The following SLC24A2 variants were observed in gnomAD, a reference collection of about 807,000 sequenced individuals.
SLC24A2 encodes the protein sodium/potassium/calcium exchanger 2.
A neutral mutation model predicts 62.0 loss-of-function variants in SLC24A2; 36 were observed. The ratio of observed to expected loss-of-function variants is 0.58; its 90% CI spans 0.44 to 0.77. SLC24A2 has a LOEUF of 0.77. SLC24A2 is among the 30% of genes least tolerant of loss of function. SLC24A2 has a pLI of 0.00. For synonymous variants in SLC24A2, 358 were observed against 294.0 expected, an observed-to-expected ratio of 1.22 and a Z score of -2.23; for missense variants, 846 against 817.9, an observed-to-expected ratio of 1.03 and a Z score of -0.42.
In SLC24A2 at chr9:19,664,305, C is replaced by A. The variant is rs115743008; in HGVS notation, c.931-42006G>T. Among the ~76,000 whole-genome samples the A allele has an allele frequency of 7.8e-4, 118 of 152,236 alleles. 2 individuals are homozygous for A. The highest frequency in any genetic ancestry group is 2.6e-3 in the African/African-American group (109 of 41,528). On this transcript the variant is annotated intron_variant, in intron 2 of 10. Coordinates refer to ENST00000341998, the MANE Select transcript of SLC24A2 (RefSeq NM_020344.4). ...CTTTAAATGGTAAGTTTCATTGGTG[C>A]ATTTAGAATAGAAGTTAGCTTACAA... is the stretch of plus-strand genomic sequence containing the variant.
At chr9:20,005,315 G>A in the SLC24A2 span, among the ~76,000 whole-genome samples, 8 of 152,082 alleles carry the variant, frequency 5.3e-5, no homozygotes, top group African/African-American at 1.4e-4. Context: ...CTAACCTCCT[G>A]GCAATCCTAA....
the SLC24A2 span, among the ~76,000 whole-genome samples, chr9:20,135,977 A>G: frequency 6.6e-6 from 1 of 152,236 alleles, no homozygotes; most frequent in Non-Finnish European, 1.5e-5. Flanking sequence ...ACATTTACTG[A>G]AGATCTACTA....
At chr9:20,089,769 A>C in the SLC24A2 span, among the ~76,000 whole-genome samples, 1 of 142,712 alleles carries the variant, frequency 7.0e-6, no homozygotes. Flanking sequence ...TGCTTACGGC[A>C]CCCCACAGTC....
the SLC24A2 span, among the ~76,000 whole-genome samples, chr9:20,240,944 T>C: frequency 6.6e-6 from 1 of 152,210 alleles, no homozygotes; most frequent in African/African-American, 2.4e-5. Flanking sequence ...CACACGCAGA[T>C]GAATTGAGGC....
At chr9:19,880,273 C>A in the SLC24A2 span, among the ~76,000 whole-genome samples, 17 of 152,244 alleles carry the variant, frequency 1.1e-4, no homozygotes, top group Non-Finnish European at 2.2e-4. Context: ...CATGGAGAAC[C>A]AGGGAAGTAA....
chr9:19,830,325 T>C, the SLC24A2 span, among the ~76,000 whole-genome samples: 1 of 152,222 alleles, frequency 6.6e-6, no homozygotes, highest in Non-Finnish European at 1.5e-5. Context: ...TTTTAATCAA[T>C]TAATATATTT....
the SLC24A2 span, among the ~76,000 whole-genome samples, chr9:19,906,238 A>G: frequency 0.045 from 6,772 of 151,828 alleles, 258 homozygotes; most frequent in East Asian, 0.21. Context: ...CTGGGTACAT[A>G]ACGAAATGAA....
At chr9:20,122,188 C>A in the SLC24A2 span, among the ~76,000 whole-genome samples, 1,056 of 152,306 alleles carry the variant, frequency 6.9e-3, 12 homozygotes, top group Non-Finnish European at 9.2e-3. Context: ...AGCATTTAAC[C>A]AAGCATGGAA....
the SLC24A2 span, among the ~76,000 whole-genome samples, chr9:19,837,743 C>T: frequency 2.0e-5 from 3 of 152,034 alleles, no homozygotes; most frequent in East Asian, 3.9e-4. Flanking sequence ...AATCAATGTG[C>T]AAAAATCACA....
At chr9:19,607,295 C>T (rs1837010719) in intron 4 of SLC24A2, among the ~76,000 whole-genome samples, 1 of 152,186 alleles carries the variant, frequency 6.6e-6, no homozygotes, top group Non-Finnish European at 1.5e-5. Context: ...AACTCTGAGT[C>T]CTCCCTTCTG....
the SLC24A2 span, among the ~76,000 whole-genome samples, chr9:19,848,920 A>G: frequency 5.9e-5 from 9 of 152,242 alleles, no homozygotes; most frequent in Non-Finnish European, 1.2e-4. Flanking sequence ...CAAAGGCTAC[A>G]TTTATTGAGA....
chr9:19,954,600 A>T, the SLC24A2 span, among the ~76,000 whole-genome samples: 8 of 151,100 alleles, frequency 5.3e-5, no homozygotes, highest in South Asian at 2.1e-4. Flanking sequence ...TTTTTTTTTT[A>T]AATCTAGAGA....
intron 7 of SLC24A2, among the ~76,000 whole-genome samples, chr9:19,557,512 T>A (rs1181374598): frequency 2.6e-5 from 4 of 152,192 alleles, no homozygotes; most frequent in Non-Finnish European, 5.9e-5. Flanking sequence ...AAACGTGACC[T>A]TTAATCATCC....
At chr9:20,223,679 C>A in the SLC24A2 span, among the ~76,000 whole-genome samples, 8 of 152,032 alleles carry the variant, frequency 5.3e-5, no homozygotes, top group Non-Finnish European at 8.8e-5. Context: ...GGCCAGTGTA[C>A]ATGGGAAAAA....
chr9:19,595,089 C>T (rs1836669242), intron 5 of SLC24A2, among the ~76,000 whole-genome samples: 1 of 152,188 alleles, frequency 6.6e-6, no homozygotes, highest in African/African-American at 2.4e-5. Flanking sequence ...CTTCAACCAG[C>T]GTTTCCACAA....
chr9:19,872,748 A>T, the SLC24A2 span, among the ~76,000 whole-genome samples: 1 of 152,132 alleles, frequency 6.6e-6, no homozygotes, highest in Non-Finnish European at 1.5e-5. Context: ...TCTGTTGGAA[A>T]CTTCAAGTGG....
chr9:19,714,464 G>A (rs1470238621), intron 2 of SLC24A2, among the ~76,000 whole-genome samples: 3 of 143,450 alleles, frequency 2.1e-5, no homozygotes, highest in Admixed American at 6.9e-5. Context: ...AAAATAAATC[G>A]CCATCTTTAC....
intron 2 of SLC24A2, among the ~76,000 whole-genome samples, chr9:19,626,317 C>T (rs1790937551): frequency 6.6e-6 from 1 of 152,232 alleles, no homozygotes; most frequent in Admixed American, 6.5e-5. Flanking sequence ...AGGATACTAA[C>T]ATGTCCATGG....
At chr9:19,597,781 G>A (rs890607414) in intron 4 of SLC24A2, among the ~76,000 whole-genome samples, 1 of 152,152 alleles carries the variant, frequency 6.6e-6, no homozygotes, top group Non-Finnish European at 1.5e-5. Flanking sequence ...AATCTAACAT[G>A]AAAAACCACG....
Sources: gnomAD v4.1 joint callset for allele counts (sites outside exome capture counted in the v4.1 genomes callset) on GRCh38, gnomAD v4.1.1 for gene constraint, MANE v1.5 for transcripts, NCBI Gene and HGNC (gene_info 2026-07-23, HGNC 2026-07-21) for gene names.